Variants in DNAJC16 observed in about 807,000 individuals in gnomAD.
The protein encoded by DNAJC16 is DnaJ heat shock protein family (Hsp40) member C16.
In DNAJC16, 76 loss-of-function variants were observed where a neutral mutation model predicts 92.7. That is an observed-to-expected ratio of 0.82 (90% CI 0.68 to 0.99). The LOEUF is 0.99. DNAJC16 is among the 50% of genes least tolerant of loss of function. The pLI is 0.00. For missense variants in DNAJC16, 869 were observed against 942.4 expected, an observed-to-expected ratio of 0.92 and a Z score of 1.02; for synonymous variants, 328 against 358.7, an observed-to-expected ratio of 0.91 and a Z score of 0.97.
At chr1:15,549,357 A>G (rs1159621971) in intron 7 of DNAJC16, among the ~76,000 whole-genome samples, 1 of 152,214 alleles carries the variant, frequency 6.6e-6, no homozygotes, top group African/African-American at 2.4e-5. Flanking sequence ...AAACTGGTGT[A>G]TCATCAGTAA....
At chr1:15,530,255 GAAA>G (rs79346002) in intron 2 of DNAJC16, among the ~76,000 whole-genome samples, 1 of 109,270 alleles carries the variant, frequency 9.2e-6, no homozygotes, top group African/African-American at 3.5e-5. Context: ...CATCACTATG[GAAA>G]AAAAAAAAAA....
At chr1:15,539,730 A>T (rs1710887332) in intron 4 of DNAJC16, among the ~76,000 whole-genome samples, 2 of 152,058 alleles carry the variant, frequency 1.3e-5, no homozygotes, top group African/African-American at 4.8e-5. Flanking sequence ...TTTCGGGAAG[A>T]AAAATACCAC....
intron 13 of DNAJC16, 71 bp from the exon 14 acceptor site, chr1:15,567,028 C>A (rs986090384): frequency 7.0e-7 from 1 of 1,421,466 alleles, no homozygotes; most frequent in Non-Finnish European, 9.8e-7. Context: ...TTTCTTTCAG[C>A]TGTTTCTTTT....
At chr1:15,562,781 C>G (rs1638719221) in intron 9 of DNAJC16, among the ~76,000 whole-genome samples, 1 of 151,880 alleles carries the variant, frequency 6.6e-6, no homozygotes, top group East Asian at 1.9e-4. Context: ...TGCTCCTGGC[C>G]TAAAGCCTAC....
At chr1:15,554,242 C>T (rs988341281) in intron 7 of DNAJC16, among the ~76,000 whole-genome samples, 5 of 151,972 alleles carry the variant, frequency 3.3e-5, no homozygotes, top group East Asian at 1.9e-4. Flanking sequence ...TAGGAATAGA[C>T]TATGGTGTGT....
chr1:15,530,729 G>A (rs948665492), intron 2 of DNAJC16, among the ~76,000 whole-genome samples: 7 of 152,008 alleles, frequency 4.6e-5, no homozygotes, highest in Non-Finnish European at 1.0e-4. Context: ...GCTCTGTCAC[G>A]CAGGCTGGAA....
intron 7 of DNAJC16, among the ~76,000 whole-genome samples, chr1:15,556,173 C>A (rs1398887623): frequency 7.1e-6 from 1 of 140,486 alleles, no homozygotes; most frequent in African/African-American, 2.6e-5. Flanking sequence ...AAGACAGTAT[C>A]TTTTTGTTGT....
chr1:15,562,919 C>A (rs1226714859), intron 9 of DNAJC16, among the ~76,000 whole-genome samples: 1 of 149,808 alleles, frequency 6.7e-6, no homozygotes, highest in Non-Finnish European at 1.5e-5. Flanking sequence ...TTTACTAAGG[C>A]AAGTCTGGTC....
intron 11 of DNAJC16, 140 bp downstream of exon 11, chr1:15,564,499 T>A (rs1186651909): frequency 9.7e-6 from 6 of 619,252 alleles, no homozygotes; most frequent in Non-Finnish European, 1.7e-5. Context: ...CATTTTCTAT[T>A]CCCCTTTTTC....
In DNAJC16 at chr1:15,568,816, G is replaced by A. The variant is rs1028419238; in HGVS notation, c.*639G>A. 8 of 397,890 alleles carry A rather than the reference G, an allele frequency of 2.0e-5. No individual in the cohort carries two copies. The highest frequency in any genetic ancestry group is 1.6e-4 in the African/African-American group (8 of 48,650). The allele number at this position is 397,890 out of a possible 1,614,324, so 24.6% of individuals were successfully genotyped here. ...GAATAAACGGGAGTTCTGCATGTGA[G>A]TTCTCAAGAAAAGGAAAGGGAGGCT... On this transcript the variant is annotated 3_prime_UTR_variant, in exon 15 of 15. Coordinates refer to ENST00000375847, the MANE Select transcript of DNAJC16 (RefSeq NM_015291.4).
chr1:15,533,470 T>C (rs1274431982), intron 2 of DNAJC16, among the ~76,000 whole-genome samples: 1 of 151,956 alleles, frequency 6.6e-6, no homozygotes, highest in African/African-American at 2.4e-5. Flanking sequence ...CTACTAAAAA[T>C]ACAAAAATTA....
intron 2 of DNAJC16, 124 bp downstream of exon 2, chr1:15,529,396 A>C: frequency 2.0e-6 from 2 of 982,586 alleles, no homozygotes; most frequent in South Asian, 5.5e-5. Flanking sequence ...TCTGTCTAAA[A>C]TATTTTACGC....
intron 7 of DNAJC16, among the ~76,000 whole-genome samples, chr1:15,559,319 C>T (rs569629402): frequency 6.6e-6 from 1 of 152,248 alleles, no homozygotes; most frequent in Non-Finnish European, 1.5e-5. Context: ...TTCCCTTTGA[C>T]CCGAAATAGC....
chr1:15,532,164 G>A (rs182516250), intron 2 of DNAJC16, among the ~76,000 whole-genome samples: 20 of 152,274 alleles, frequency 1.3e-4, no homozygotes, highest in Admixed American at 5.2e-4. Flanking sequence ...TTGGTGTGAC[G>A]TGGTTATGCA....
rs16851760 is a variant in DNAJC16 at position 15,537,594 on chromosome 1, C to T, written c.574+780C>T. Among the ~76,000 whole-genome samples the T allele has an allele frequency of 2.3e-3, 349 of 152,240 alleles. 1 individual carries two copies. Among genetic ancestry groups the T allele is most frequent in the African/African-American group, 8.0e-3 (334 of 41,556 alleles). On this transcript the variant is annotated intron_variant, in intron 4 of 14. Coordinates refer to ENST00000375847, the MANE Select transcript of DNAJC16 (RefSeq NM_015291.4). Reference sequence around the variant, plus strand: ...CGTTTGAAACTTTTTTCTCAGTCAACTTTCATGTTCCAATTACTGTATTAG... The same window carrying T: ...CGTTTGAAACTTTTTTCTCAGTCAATTTTCATGTTCCAATTACTGTATTAG...
chr1:15,561,108 CT>C lies in DNAJC16; in HGVS notation c.1155-1019del, dbSNP rs1009666149. On this transcript the variant is annotated intron_variant, in intron 8 of 14. Coordinates refer to ENST00000375847, the MANE Select transcript of DNAJC16 (RefSeq NM_015291.4). ...TGGCCTCTCTCTGTCCCCTTTTCAT[CT>C]TTTTTTTTTTTTTTAATATATAGCA... Among the ~76,000 whole-genome samples, 1,129 of 141,214 alleles carry C rather than the reference CT, an allele frequency of 8.0e-3. 4 individuals are homozygous for C. Among genetic ancestry groups the C allele is most frequent in the African/African-American group, 0.015 (584 of 38,506 alleles). 92.6% of individuals were successfully genotyped at this position (141,214 alleles called of 152,430 possible).
chr1:15,529,034 C>A, intron 1 of DNAJC16, 54 bp from the exon 2 acceptor site: 1 of 1,523,130 alleles, frequency 6.6e-7, no homozygotes, highest in South Asian at 1.2e-5. Flanking sequence ...ACCTAAAAAG[C>A]AAGACTGTCC....
At chr1:15,551,937 A>G (rs1423087052) in intron 7 of DNAJC16, among the ~76,000 whole-genome samples, 1 of 151,874 alleles carries the variant, frequency 6.6e-6, no homozygotes, top group Non-Finnish European at 1.5e-5. Flanking sequence ...AGGCTGAGAC[A>G]GGAGATTCAC....
intron 2 of DNAJC16, among the ~76,000 whole-genome samples, chr1:15,532,635 A>G (rs1710684462): frequency 6.6e-6 from 1 of 151,976 alleles, no homozygotes; most frequent in African/African-American, 2.4e-5. Flanking sequence ...GTATGATTGC[A>G]TAATTTTTGA....
Sources: gnomAD v4.1 joint callset for allele counts (sites outside exome capture counted in the v4.1 genomes callset) on GRCh38, gnomAD v4.1.1 for gene constraint, MANE v1.5 for transcripts, NCBI Gene and HGNC (gene_info 2026-07-23, HGNC 2026-07-21) for gene names.